POU6F2: variants seen among roughly 807,000 people sequenced by gnomAD.
The protein encoded by POU6F2 is POU class 6 homeobox 2.
Under a neutral mutation model 71.3 loss-of-function variants are expected in POU6F2, and 31 were observed. The observed-to-expected ratio is 0.43, with a 90% CI of 0.33 to 0.59. The LOEUF (loss-of-function observed/expected upper bound fraction) is 0.59. Among genes scored for constraint, POU6F2 ranks in the 20% least tolerant of loss-of-function variants. The probability of loss-of-function intolerance (pLI) is 0.04; values close to 1 mark genes in which losing one functional copy is unlikely to be tolerated. For missense variants in POU6F2, 783 were observed against 856.8 expected, an observed-to-expected ratio of 0.91 and a Z score of 1.07; for synonymous variants, 347 against 355.7, an observed-to-expected ratio of 0.98 and a Z score of 0.27.
At chr7:39,025,009 G>T (rs1200091631) in intron 1 of POU6F2, among the ~76,000 whole-genome samples, 1 of 152,130 alleles carries the variant, frequency 6.6e-6, no homozygotes, top group Non-Finnish European at 1.5e-5. Flanking sequence ...TCAGGATGAT[G>T]CTGGCCTCAT....
chr7:39,150,931 C>T (rs920537817), intron 2 of POU6F2, among the ~76,000 whole-genome samples: 20 of 151,864 alleles, frequency 1.3e-4, no homozygotes, highest in Non-Finnish European at 2.1e-4. Context: ...TGATGTTGAG[C>T]GCCTTTATAT....
intron 4 of POU6F2, among the ~76,000 whole-genome samples, chr7:39,250,187 C>T (rs1424839883): frequency 6.6e-6 from 1 of 152,320 alleles, no homozygotes; most frequent in Non-Finnish European, 1.5e-5. Context: ...CACACCCACT[C>T]ACTTGCACGC....
In POU6F2 at chr7:39,466,971, G is replaced by A. The variant is rs1789085065; in HGVS notation, c.*2285G>A. ...CAAGAAAAGCTCCCTGCGAAGAGAAGTTAACAAGATAACATATGATGGATG... is the reference window on the plus strand; with the variant it reads ...CAAGAAAAGCTCCCTGCGAAGAGAAATTAACAAGATAACATATGATGGATG... On this transcript the variant is annotated 3_prime_UTR_variant, in exon 10 of 10. Coordinates refer to ENST00000518318, the MANE Select transcript of POU6F2 (RefSeq NM_001370959.1). The A allele has an allele frequency of 6.6e-6, 1 of 152,186 alleles. No homozygotes were observed. Among genetic ancestry groups the A allele is most frequent in the African/African-American group, 2.4e-5 (1 of 41,430 alleles). The allele number at this position is 152,186 out of a possible 1,614,324, so 9.4% of individuals were successfully genotyped here. A position where few individuals can be genotyped will look rare whatever the true frequency, so the allele number is the denominator to read the frequency against.
At chr7:39,258,283 T>A (rs1784064251) in intron 4 of POU6F2, among the ~76,000 whole-genome samples, 1 of 152,242 alleles carries the variant, frequency 6.6e-6, no homozygotes, top group Non-Finnish European at 1.5e-5. Context: ...TATACTGGAC[T>A]CTGAGAGATT....
At chr7:39,396,178 G>T (rs1202642092) in intron 5 of POU6F2, among the ~76,000 whole-genome samples, 2 of 152,174 alleles carry the variant, frequency 1.3e-5, no homozygotes, top group Non-Finnish European at 2.9e-5. Context: ...GATAAAATCT[G>T]ATTTAGAGTT....
At chr7:39,359,506 T>C (rs983394726) in intron 5 of POU6F2, among the ~76,000 whole-genome samples, 2 of 152,200 alleles carry the variant, frequency 1.3e-5, no homozygotes, top group African/African-American at 2.4e-5. Context: ...AAATATATGC[T>C]CTCCTTCCTA....
At chr7:39,001,307 A>G (rs1156865544) in intron 1 of POU6F2, among the ~76,000 whole-genome samples, 1 of 151,968 alleles carries the variant, frequency 6.6e-6, no homozygotes, top group Non-Finnish European at 1.5e-5. Context: ...AGTTGATAAT[A>G]GGCGATATAT....
chr7:39,136,145 T>C (rs1043053396), intron 2 of POU6F2, among the ~76,000 whole-genome samples: 14 of 152,208 alleles, frequency 9.2e-5, no homozygotes, highest in Admixed American at 9.2e-4. Flanking sequence ...TACTGTAAAA[T>C]AATATGATGT....
At chr7:39,269,157 G>A (rs1784300875) in intron 4 of POU6F2, among the ~76,000 whole-genome samples, 1 of 152,158 alleles carries the variant, frequency 6.6e-6, no homozygotes, top group East Asian at 1.9e-4. Context: ...ATTCAGGCTA[G>A]TAAGGGAGTG....
chr7:39,288,628 A>G (rs774735929), intron 4 of POU6F2, among the ~76,000 whole-genome samples: 6 of 152,212 alleles, frequency 3.9e-5, no homozygotes, highest in African/African-American at 7.2e-5. Flanking sequence ...CATAGTCATC[A>G]TAGTTTTCAA....
chr7:39,163,091 A>G (rs1793032160), intron 2 of POU6F2, among the ~76,000 whole-genome samples: 1 of 152,210 alleles, frequency 6.6e-6, no homozygotes, highest in Admixed American at 6.5e-5. Context: ...ATCAAAGACA[A>G]TTTTAAATGC....
intron 4 of POU6F2, among the ~76,000 whole-genome samples, chr7:39,337,149 A>T (rs758337841): frequency 2.6e-5 from 4 of 152,230 alleles, no homozygotes; most frequent in Non-Finnish European, 5.9e-5. Context: ...TGAGAAATGC[A>T]GGATTCTTGG....
chr7:39,396,532 CT>C (rs1301511963), intron 5 of POU6F2, among the ~76,000 whole-genome samples: 1 of 152,200 alleles, frequency 6.6e-6, no homozygotes. Context: ...TCCACAAGTG[CT>C]CATGGAGAGT....
chr7:39,244,420 TC>T (rs1258945008), intron 4 of POU6F2, among the ~76,000 whole-genome samples: 2 of 152,168 alleles, frequency 1.3e-5, no homozygotes, highest in African/African-American at 4.8e-5. Flanking sequence ...TGAATTTCTT[TC>T]TCTGAAACTG....
chr7:39,258,634 G>C (rs986427317), intron 4 of POU6F2, among the ~76,000 whole-genome samples: 23 of 151,674 alleles, frequency 1.5e-4, no homozygotes, highest in Admixed American at 3.3e-4. Flanking sequence ...TGACATTTCA[G>C]GTGTAAAATT....
At chr7:39,050,080 A>G (rs573155362) in intron 1 of POU6F2, among the ~76,000 whole-genome samples, 1 of 152,150 alleles carries the variant, frequency 6.6e-6, no homozygotes, top group South Asian at 2.1e-4. Flanking sequence ...ATTGTTTTAA[A>G]AATGTGTTTA....
chr7:39,159,661 G>T (rs917571554), intron 2 of POU6F2, among the ~76,000 whole-genome samples: 1 of 152,258 alleles, frequency 6.6e-6, no homozygotes, highest in African/African-American at 2.4e-5. Flanking sequence ...ATTATACTAG[G>T]TACTGTGGTG....
chr7:39,454,139 TAAA>T (rs1788728289), intron 8 of POU6F2, among the ~76,000 whole-genome samples: 1 of 152,144 alleles, frequency 6.6e-6, no homozygotes. Flanking sequence ...AAGGATATGA[TAAA>T]GAATACAGAT....
rs749242082 is a variant in POU6F2, at chr7:39,031,896, C to T, written c.105+53838C>T. ...ACTGCCTCAAAAAAAAAAAATTGCACGTGCCTTATAATGGGTAAGACTCAG... is the reference window on the plus strand; with the variant it reads ...ACTGCCTCAAAAAAAAAAAATTGCATGTGCCTTATAATGGGTAAGACTCAG... On this transcript the variant is annotated intron_variant, in intron 1 of 9. Coordinates refer to ENST00000518318, the MANE Select transcript of POU6F2 (RefSeq NM_001370959.1). Among the ~76,000 whole-genome samples the T allele has an allele frequency of 5.9e-5, 9 of 151,716 alleles. 1 individual carries two copies. The highest frequency in any genetic ancestry group is 8.8e-5 in the Non-Finnish European group (6 of 67,928).
Sources: allele counts gnomAD v4.1 joint callset (sites outside exome capture counted in the v4.1 genomes callset), GRCh38; gene constraint gnomAD v4.1.1; transcripts MANE v1.5; gene names NCBI Gene and HGNC (gene_info 2026-07-23, HGNC 2026-07-21).